The following SDK1 variants were observed in gnomAD, a reference collection of about 807,000 sequenced individuals.
SDK1 encodes the protein protein sidekick-1.
A neutral mutation model predicts 245.5 loss-of-function variants in SDK1; 157 were observed. That is an observed-to-expected ratio of 0.64 (90% CI 0.56 to 0.73). The LOEUF (loss-of-function observed/expected upper bound fraction) is 0.73, where lower values mean the gene tolerates loss of function less well. Ranked by LOEUF, SDK1 falls within the 30% of genes least tolerant of loss-of-function variation. The pLI, the probability that SDK1 is intolerant of heterozygous loss-of-function variation, is 0.00. For missense variants in SDK1, 3,583 were observed against 3,002.3 expected, an observed-to-expected ratio of 1.19 and a Z score of -4.52; for synonymous variants, 1,647 against 1,278.5, an observed-to-expected ratio of 1.29 and a Z score of -6.15.
At chr7:3,406,875 T>A (rs1299378190) in intron 1 of SDK1, among the ~76,000 whole-genome samples, 1 of 152,180 alleles carries the variant, frequency 6.6e-6, no homozygotes, top group Non-Finnish European at 1.5e-5. Context: ...ATAAGATAAA[T>A]GTGAACAGTA....
At chr7:3,908,373 C>T (rs183576220) in intron 5 of SDK1, among the ~76,000 whole-genome samples, 3 of 152,318 alleles carry the variant, frequency 2.0e-5, no homozygotes, top group Admixed American at 6.5e-5. Context: ...AGCTTGGTCT[C>T]ATTCCCCACC....
rs1382507884 is a variant in SDK1 at position 4,158,659 on chromosome 7, G to A, written c.4729+108G>A. ...CAGAAAGGGGCCACCAGGGAGTGGT[G>A]GAAAGCAGTAGAATTCCATTAGTGA... is the stretch of plus-strand genomic sequence containing the variant. On this transcript the variant is annotated intron_variant, in intron 31 of 44. Coordinates refer to ENST00000404826, the MANE Select transcript of SDK1 (RefSeq NM_152744.4). 7 of 731,386 alleles carry A rather than the reference G, an allele frequency of 9.6e-6. No individual in the cohort carries two copies. The African/African-American group carries it at 1.2e-4, about 13-fold the overall frequency. The allele number at this position is 731,386 out of a possible 1,614,324, so 45.3% of individuals were successfully genotyped here.
chr7:3,849,280 C>T (rs1035098963), intron 5 of SDK1, among the ~76,000 whole-genome samples: 4 of 152,164 alleles, frequency 2.6e-5, no homozygotes, highest in Admixed American at 2.6e-4. Flanking sequence ...GGCTCATTCA[C>T]TCTTTATCTT....
At chr7:3,318,116 A>G (rs753127464) in intron 1 of SDK1, among the ~76,000 whole-genome samples, 1 of 152,202 alleles carries the variant, frequency 6.6e-6, no homozygotes, top group Non-Finnish European at 1.5e-5. Flanking sequence ...TACAGATGGT[A>G]GCATACTCTT....
At chr7:3,357,871 A>G (rs2128559880) in intron 1 of SDK1, among the ~76,000 whole-genome samples, 1 of 152,300 alleles carries the variant, frequency 6.6e-6, no homozygotes, top group South Asian at 2.1e-4. Context: ...GCAGGCTCTT[A>G]GTTATGTGTG....
At chr7:3,539,208 C>A (rs140539902) in intron 1 of SDK1, among the ~76,000 whole-genome samples, 6 of 152,164 alleles carry the variant, frequency 3.9e-5, no homozygotes, top group Non-Finnish European at 7.4e-5. Flanking sequence ...GGGGATCTCA[C>A]TTGGACCTAT....
chr7:4,135,620 A>T (rs182665562), intron 28 of SDK1, among the ~76,000 whole-genome samples: 3 of 152,320 alleles, frequency 2.0e-5, no homozygotes, highest in Admixed American at 6.5e-5. Flanking sequence ...ATCTCAGCCT[A>T]TGCTTATTAG....
intron 4 of SDK1, among the ~76,000 whole-genome samples, chr7:3,706,610 G>A (rs1234460390): frequency 6.6e-6 from 1 of 152,120 alleles, no homozygotes; most frequent in Non-Finnish European, 1.5e-5. Context: ...CACCATGTTA[G>A]CCAGGATGGT....
chr7:4,220,704 C>G (rs1165868139), intron 39 of SDK1, among the ~76,000 whole-genome samples: 2 of 152,072 alleles, frequency 1.3e-5, no homozygotes, highest in African/African-American at 4.8e-5. Context: ...GGGAGTGCTG[C>G]TTAGTCCCGG....
chr7:4,098,760 C>G (rs1782332837), intron 22 of SDK1, among the ~76,000 whole-genome samples: 1 of 150,894 alleles, frequency 6.6e-6, no homozygotes, highest in Non-Finnish European at 1.5e-5. Flanking sequence ...ACCTCCCAAG[C>G]TCAAGCAATT....
rs144783386 is a variant in SDK1, at chr7:4,255,106, A to G, written c.6381+9301A>G. On this transcript the variant is annotated intron_variant, in intron 44 of 44. Transcript: ENST00000404826. ...AGTCTTTGAAGCTTGCTCTGACACT[A>G]AGAGGCCTCTTCTTAGCTTCAGAAG... Among the ~76,000 whole-genome samples the G allele has an allele frequency of 2.8e-3, 426 of 152,298 alleles. 5 individuals carry two copies. Among genetic ancestry groups the G allele is most frequent in the African/African-American group, 9.5e-3 (394 of 41,562 alleles).
intron 1 of SDK1, among the ~76,000 whole-genome samples, chr7:3,573,991 C>G (rs1274574098): frequency 6.6e-6 from 1 of 152,088 alleles, no homozygotes; most frequent in Non-Finnish European, 1.5e-5. Context: ...ACATATCATT[C>G]TTTGTGAAGC....
chr7:4,053,837 C>A (rs535412651), intron 19 of SDK1, among the ~76,000 whole-genome samples: 1 of 152,118 alleles, frequency 6.6e-6, no homozygotes, highest in Non-Finnish European at 1.5e-5. Context: ...AAGTTCTTCC[C>A]ATACTCTGCC....
At chr7:3,511,658 A>C (rs1323958104) in intron 1 of SDK1, among the ~76,000 whole-genome samples, 3 of 152,132 alleles carry the variant, frequency 2.0e-5, no homozygotes, top group African/African-American at 7.2e-5. Context: ...GTATTTACCA[A>C]TTATTTTAAA....
At chr7:3,877,945 T>G (rs964702500) in intron 5 of SDK1, among the ~76,000 whole-genome samples, 5 of 152,184 alleles carry the variant, frequency 3.3e-5, no homozygotes, top group African/African-American at 1.2e-4. Flanking sequence ...ACACAGCTGT[T>G]TCCTTAGAGT....
At chr7:4,239,874 C>T (rs1198888762) in intron 42 of SDK1, among the ~76,000 whole-genome samples, 1 of 152,198 alleles carries the variant, frequency 6.6e-6, no homozygotes, top group Non-Finnish European at 1.5e-5. Flanking sequence ...GAGCTGGCTA[C>T]ATTAGCCCCC....
intron 35 of SDK1, among the ~76,000 whole-genome samples, chr7:4,195,214 AT>A (rs1353935986): frequency 3.9e-5 from 6 of 152,362 alleles, no homozygotes; most frequent in Admixed American, 3.9e-4. Flanking sequence ...TGGTGAAAAC[AT>A]TTAAAACCTA....
At chr7:4,102,444 C>T (rs1054893319) in intron 22 of SDK1, among the ~76,000 whole-genome samples, 2 of 152,170 alleles carry the variant, frequency 1.3e-5, no homozygotes, top group Non-Finnish European at 2.9e-5. Context: ...GGAAGGGGTT[C>T]TGGAGCATCT....
At chr7:3,303,401 C>G (rs1037446743) in intron 1 of SDK1, among the ~76,000 whole-genome samples, 1 of 152,078 alleles carries the variant, frequency 6.6e-6, no homozygotes, top group East Asian at 1.9e-4. Context: ...GATTGGTGCA[C>G]AGACTGAAAT....
Sources: allele counts gnomAD v4.1 joint callset (sites outside exome capture counted in the v4.1 genomes callset), GRCh38; gene constraint gnomAD v4.1.1; transcripts MANE v1.5; gene names NCBI Gene and HGNC (gene_info 2026-07-23, HGNC 2026-07-21).